SOCS6: variants seen among roughly 807,000 people sequenced by gnomAD.
The protein encoded by SOCS6 is suppressor of cytokine signaling 6.
Under a neutral mutation model 27.7 loss-of-function variants are expected in SOCS6, and 5 were observed. The ratio of observed to expected loss-of-function variants is 0.18; its 90% CI spans 0.09 to 0.38. The LOEUF (loss-of-function observed/expected upper bound fraction) is 0.38. SOCS6 is among the 10% of genes least tolerant of loss of function. The pLI is 1.00. For synonymous variants in SOCS6, 271 were observed against 260.0 expected (o/e 1.04, Z -0.41); for missense variants, 595 against 688.1 (o/e 0.86, Z 1.51).
rs1213449752 is a variant in SOCS6, at chr18:70,289,371, G to GGGGCCGGGGCGCGGCGGCCCCTGAA, written c.-127+288_-127+312dup. 2.7e-5 allele frequency among the ~76,000 whole-genome samples: 4 copies of GGGGCCGGGGCGCGGCGGCCCCTGAA among 148,368 alleles called. No individual in the cohort carries two copies. In the East Asian group the frequency reaches 7.9e-4, roughly 29 times the overall value. On this transcript the variant is annotated intron_variant, in intron 1 of 1. Coordinates refer to ENST00000397942, the MANE Select transcript of SOCS6 (RefSeq NM_004232.4). ...GCGGGGACGCGGAAACCGGGAAGCC[G>GGGGCCGGGGCGCGGCGGCCCCTGAA]GGGCCGGGGCGCGGCGGCCCCTGAA... is the stretch of plus-strand genomic sequence containing the variant.
At chr18:70,300,030 G>A (rs2062341294) in intron 1 of SOCS6, among the ~76,000 whole-genome samples, 2 of 152,156 alleles carry the variant, frequency 1.3e-5, no homozygotes, top group Admixed American at 6.5e-5. Context: ...TATAAAGACA[G>A]TGATGAATTG....
chr18:70,291,753 A>G (rs1286620522), intron 1 of SOCS6, among the ~76,000 whole-genome samples: 2 of 152,214 alleles, frequency 1.3e-5, no homozygotes, highest in African/African-American at 4.8e-5. Context: ...ACCTCTTCCA[A>G]TTCTGGAAAT....
At chr18:70,304,622 A>G (rs1376916659) in intron 1 of SOCS6, among the ~76,000 whole-genome samples, 1 of 152,184 alleles carries the variant, frequency 6.6e-6, no homozygotes, top group Non-Finnish European at 1.5e-5. Flanking sequence ...TCTTTTGCTC[A>G]TTTAAAAAAT....
intron 1 of SOCS6, among the ~76,000 whole-genome samples, chr18:70,316,744 A>G (rs1305668197): frequency 2.6e-5 from 4 of 152,058 alleles, no homozygotes; most frequent in African/African-American, 9.7e-5. Flanking sequence ...TTTTTCAGTT[A>G]ATTGAAAAAC....
At chr18:70,309,131 C>T (rs1046551261) in intron 1 of SOCS6, among the ~76,000 whole-genome samples, 1 of 152,126 alleles carries the variant, frequency 6.6e-6, no homozygotes, top group Admixed American at 6.5e-5. Context: ...GAGAAAGCAG[C>T]CATAAAAGAT....
At chr18:70,323,655 G>T (rs1042258518) in intron 1 of SOCS6, among the ~76,000 whole-genome samples, 2 of 152,208 alleles carry the variant, frequency 1.3e-5, no homozygotes, top group Admixed American at 6.5e-5. Context: ...GAAGGTAAAT[G>T]ATTCTTGTTC....
chr18:70,296,906 C>T (rs201853759), intron 1 of SOCS6, among the ~76,000 whole-genome samples: 4 of 129,170 alleles, frequency 3.1e-5, no homozygotes, highest in East Asian at 2.2e-4. Context: ...CATTTTCTTT[C>T]TTTTTTTTTT....
At chr18:70,296,274 A>C (rs2062322312) in intron 1 of SOCS6, among the ~76,000 whole-genome samples, 1 of 152,152 alleles carries the variant, frequency 6.6e-6, no homozygotes, top group Non-Finnish European at 1.5e-5. Flanking sequence ...TTTCAGGTTA[A>C]TATTTTAGTT....
Position 70,326,942 on chromosome 18 carries a change from T to G in SOCS6, c.*666T>G, listed in dbSNP as rs1911232214. 1 of 166,838 alleles carries G rather than the reference T, an allele frequency of 6.0e-6. No homozygotes were observed. Among genetic ancestry groups the G allele is most frequent in the African/African-American group, 2.4e-5 (1 of 41,472 alleles). 10.3% of individuals were successfully genotyped at this position (166,838 alleles called of 1,614,324 possible). Reference sequence around the variant, plus strand: ...GTTGAATTTTTCTGTTGCCTTCGTTTTCATCTTCTAGTTTGTCTATTTTAA... The same window carrying G: ...GTTGAATTTTTCTGTTGCCTTCGTTGTCATCTTCTAGTTTGTCTATTTTAA... On this transcript the variant is annotated 3_prime_UTR_variant, in exon 2 of 2. Coordinates refer to ENST00000397942, the MANE Select transcript of SOCS6 (RefSeq NM_004232.4).
intron 1 of SOCS6, among the ~76,000 whole-genome samples, chr18:70,305,225 A>T (rs905491301): frequency 6.6e-6 from 1 of 152,054 alleles, no homozygotes; most frequent in Non-Finnish European, 1.5e-5. Flanking sequence ...AAAAAAAAAA[A>T]GTTTTATAGT....
chr18:70,318,187 A>G (rs1192517310), intron 1 of SOCS6, among the ~76,000 whole-genome samples: 1 of 152,106 alleles, frequency 6.6e-6, no homozygotes, highest in East Asian at 1.9e-4. Context: ...TTTTTAAAGG[A>G]ATGTTTCCCT....
intron 1 of SOCS6, among the ~76,000 whole-genome samples, chr18:70,290,941 G>A (rs1440608356): frequency 1.3e-5 from 2 of 152,144 alleles, no homozygotes; most frequent in Non-Finnish European, 1.5e-5. Context: ...CCCCCACCCC[G>A]CAGGGAGTGG....
chr18:70,312,771 A>ATTTT lies in SOCS6; in HGVS notation c.-126-11755_-126-11752dup, dbSNP rs375997089. On this transcript the variant is annotated intron_variant, in intron 1 of 1. Coordinates refer to ENST00000397942, the MANE Select transcript of SOCS6 (RefSeq NM_004232.4). ...TTTCCATTACGCCAAAATTCTTTGGATTTTTTTTTTTTTTTTTTTTGAGAT... is the reference window on the plus strand; with the variant it reads ...TTTCCATTACGCCAAAATTCTTTGGATTTTTTTTTTTTTTTTTTTTTTTTGAGAT... Among the ~76,000 whole-genome samples the ATTTT allele has an allele frequency of 8.3e-3, 1,008 of 121,926 alleles. 48 individuals carry two copies. Among genetic ancestry groups the ATTTT allele is most frequent in the East Asian group, 0.043 (171 of 3,954 alleles). 80.0% of individuals were successfully genotyped at this position (121,926 alleles called of 152,430 possible).
chr18:70,303,739 T>TGA (rs2062357949), intron 1 of SOCS6, among the ~76,000 whole-genome samples: 2 of 152,290 alleles, frequency 1.3e-5, no homozygotes, highest in Admixed American at 1.3e-4. Context: ...TGCTGTGAGC[T>TGA]GAGATTGCAC....
At chr18:70,294,319 T>C (rs2062313900) in intron 1 of SOCS6, among the ~76,000 whole-genome samples, 1 of 152,074 alleles carries the variant, frequency 6.6e-6, no homozygotes, top group African/African-American at 2.4e-5. Context: ...GCCTGGCCAC[T>C]GAGTAGGAGT....
rs372520047 is a variant in SOCS6, at chr18:70,325,222, A to T, written c.554A>T (p.Gln185Leu). The T allele has an allele frequency of 1.2e-4, 196 of 1,614,050 alleles. No individual in the cohort carries two copies. The highest frequency in any genetic ancestry group is 1.6e-4 in the Non-Finnish European group (184 of 1,179,996). ...FHDLQSETTC[Q>L]EQANSLKSSA... ...GACCTCCAGTCTGAGACCACGTGCCAGGAGCAAGCCAATTCACTGAAGAGC... is the reference window on the plus strand; with the variant it reads ...GACCTCCAGTCTGAGACCACGTGCCTGGAGCAAGCCAATTCACTGAAGAGC... The change falls in exon 2 of 2, where the codon CAG becomes CTG. Residue 185 changes from glutamine to leucine, a missense_variant. This residue lies in a region of SOCS6 where 467 missense variants were observed against 481.1 expected (regional missense o/e 0.97). Coordinates refer to ENST00000397942, the MANE Select transcript of SOCS6 (RefSeq NM_004232.4). The surrounding 1 kb of genome is among the most constrained non-coding windows in gnomAD (Gnocchi z 6.3).
intron 1 of SOCS6, among the ~76,000 whole-genome samples, chr18:70,305,194 C>A (rs2062364204): frequency 6.6e-6 from 1 of 151,174 alleles, no homozygotes; most frequent in Non-Finnish European, 1.5e-5. Flanking sequence ...AGCAACAGAG[C>A]AAGACGCCGT....
At chr18:70,310,333 G>T (rs1459550655) in intron 1 of SOCS6, among the ~76,000 whole-genome samples, 23 of 150,998 alleles carry the variant, frequency 1.5e-4, no homozygotes, top group Admixed American at 1.5e-3. Flanking sequence ...CTGGAGTGCA[G>T]TGGTGCAGTC....
At chr18:70,293,873 A>G (rs1385334790) in intron 1 of SOCS6, among the ~76,000 whole-genome samples, 8 of 152,148 alleles carry the variant, frequency 5.3e-5, no homozygotes, top group African/African-American at 1.9e-4. Context: ...CGGGTGGAGC[A>G]GGAGGTCAGG....
Sources: gnomAD v4.1 joint callset for allele counts (sites outside exome capture counted in the v4.1 genomes callset) on GRCh38, gnomAD v4.1.1 for gene constraint, gnomAD v4.1.1 regional missense constraint, Gnocchi (gnomAD v3.1) non-coding constraint, MANE v1.5 for transcripts, NCBI Gene and HGNC (gene_info 2026-07-23, HGNC 2026-07-21) for gene names.